Variants in PTGER3 observed in about 807,000 individuals in gnomAD.
The protein encoded by PTGER3 is prostaglandin E receptor 3, also known as prostaglandin E2 receptor EP3 subtype.
In PTGER3, 22 loss-of-function variants were observed where a neutral mutation model predicts 34.7. That is an observed-to-expected ratio of 0.63 (90% CI 0.45 to 0.91). The LOEUF is 0.91. PTGER3 is among the 40% of genes least tolerant of loss of function. The pLI is 0.00. For missense variants in PTGER3, 468 were observed against 519.4 expected, an observed-to-expected ratio of 0.90 and a Z score of 0.96; for synonymous variants, 241 against 230.1, an observed-to-expected ratio of 1.05 and a Z score of -0.43.
At chr1:70,943,696 A>G (rs1290765622) in intron 4 of PTGER3, among the ~76,000 whole-genome samples, 1 of 151,988 alleles carries the variant, frequency 6.6e-6, no homozygotes, top group African/African-American at 2.4e-5. Flanking sequence ...TTTTCCACAA[A>G]TTTTGAATTG....
intron 1 of PTGER3, among the ~76,000 whole-genome samples, chr1:71,041,729 G>T (rs1300283679): frequency 6.6e-6 from 1 of 152,198 alleles, no homozygotes; most frequent in Non-Finnish European, 1.5e-5. Flanking sequence ...GGGAGAGTAA[G>T]AATTTGACAT....
chr1:70,924,452 T>C (rs937477263), intron 4 of PTGER3, among the ~76,000 whole-genome samples: 4 of 152,176 alleles, frequency 2.6e-5, no homozygotes, highest in Non-Finnish European at 5.9e-5. Flanking sequence ...CTTATTCTTG[T>C]GAGCCAACCA....
chr1:70,902,110 GAAGAA>G (rs1646852765), intron 4 of PTGER3, among the ~76,000 whole-genome samples: 1 of 152,074 alleles, frequency 6.6e-6, no homozygotes, highest in African/African-American at 2.4e-5. Flanking sequence ...CTTAAAAAAG[GAAGAA>G]AAGATACCTA....
intron 2 of PTGER3, among the ~76,000 whole-genome samples, chr1:70,985,004 A>G (rs1460712046): frequency 1.3e-5 from 2 of 152,174 alleles, no homozygotes; most frequent in African/African-American, 4.8e-5. Flanking sequence ...CCATCACGAC[A>G]GCCCTAGGGA....
chr1:71,032,960 C>T (rs749812771), intron 1 of PTGER3, among the ~76,000 whole-genome samples: 9 of 152,130 alleles, frequency 5.9e-5, no homozygotes, highest in Non-Finnish European at 8.8e-5. Flanking sequence ...CTGGGGATCA[C>T]GAATCTTATG....
chr1:70,864,995 A>G (rs1646009007), intron 4 of PTGER3, among the ~76,000 whole-genome samples: 1 of 152,218 alleles, frequency 6.6e-6, no homozygotes, highest in African/African-American at 2.4e-5. Flanking sequence ...CCATCTATCC[A>G]GAAGGCAGAG....
chr1:71,001,691 A>G (rs1433397420), intron 2 of PTGER3, among the ~76,000 whole-genome samples: 1 of 152,170 alleles, frequency 6.6e-6, no homozygotes, highest in Non-Finnish European at 1.5e-5. Context: ...CAGTGAGAAG[A>G]TACCACATAG....
chr1:70,884,305 T>C (rs892507162), intron 4 of PTGER3, among the ~76,000 whole-genome samples: 1 of 152,150 alleles, frequency 6.6e-6, no homozygotes, highest in African/African-American at 2.4e-5. Flanking sequence ...TCATCTCCCC[T>C]TGAGTGTGAG....
intron 1 of PTGER3, among the ~76,000 whole-genome samples, chr1:71,046,321 G>C (rs1660810811): frequency 1.3e-5 from 2 of 150,092 alleles, no homozygotes; most frequent in Admixed American, 1.3e-4. Context: ...ACAATATCAG[G>C]CTACAGTTAT....
At chr1:70,916,513 A>G (rs1647177844) in intron 4 of PTGER3, among the ~76,000 whole-genome samples, 2 of 152,134 alleles carry the variant, frequency 1.3e-5, no homozygotes, top group African/African-American at 2.4e-5. Flanking sequence ...GGATTAAGAA[A>G]ATGTGATACA....
At chr1:70,953,554 A>G (rs1292120011) in intron 3 of PTGER3, among the ~76,000 whole-genome samples, 1 of 152,140 alleles carries the variant, frequency 6.6e-6, no homozygotes, top group Non-Finnish European at 1.5e-5. Flanking sequence ...GTCATTTTTA[A>G]ATGCTAAGAC....
At chr1:70,856,770 A>G (rs767289138) in intron 4 of PTGER3, among the ~76,000 whole-genome samples, 5 of 152,156 alleles carry the variant, frequency 3.3e-5, no homozygotes, top group Non-Finnish European at 5.9e-5. Flanking sequence ...CTTTCTCCCA[A>G]TGGTTACATC....
At chr1:70,918,881 A>G (rs1243217671) in intron 4 of PTGER3, among the ~76,000 whole-genome samples, 1 of 152,084 alleles carries the variant, frequency 6.6e-6, no homozygotes, top group Non-Finnish European at 1.5e-5. Context: ...TAAATACCTA[A>G]GAAAAATGAA....
intron 1 of PTGER3, among the ~76,000 whole-genome samples, chr1:71,027,566 A>G (rs1399872521): frequency 6.6e-6 from 1 of 152,232 alleles, no homozygotes; most frequent in African/African-American, 2.4e-5. Flanking sequence ...TAACCAGAAC[A>G]GGTCTGTTTT....
chr1:70,990,696 T>G (rs762723527), intron 2 of PTGER3, among the ~76,000 whole-genome samples: 5 of 151,982 alleles, frequency 3.3e-5, no homozygotes, highest in Non-Finnish European at 5.9e-5. Flanking sequence ...CAGGCTGTGC[T>G]TGAATTTCTG....
At chr1:70,855,283 A>G (rs1377640211) in intron 4 of PTGER3, among the ~76,000 whole-genome samples, 1 of 152,224 alleles carries the variant, frequency 6.6e-6, no homozygotes, top group Non-Finnish European at 1.5e-5. Context: ...TCCAACTCAT[A>G]GAAAGCAGAA....
At chr1:70,923,723 T>G (rs977078462) in intron 4 of PTGER3, among the ~76,000 whole-genome samples, 1 of 152,226 alleles carries the variant, frequency 6.6e-6, no homozygotes, top group African/African-American at 2.4e-5. Flanking sequence ...TTGTAGCTTG[T>G]AGCAATAGAG....
intron 4 of PTGER3, among the ~76,000 whole-genome samples, chr1:70,868,176 C>T (rs760762001): frequency 7.9e-5 from 12 of 151,966 alleles, no homozygotes; most frequent in African/African-American, 2.9e-4. Flanking sequence ...TCCTATCAAC[C>T]ATTTAGTTCA....
chr1:71,012,092 C>CT (rs1657495161), intron 2 of PTGER3: 1 of 1,497,854 alleles, frequency 6.7e-7, no homozygotes, highest in Non-Finnish European at 8.8e-7. Context: ...GACCATTTAG[C>CT]TTTATACCAA....
Sources: gnomAD v4.1 joint callset for allele counts (sites outside exome capture counted in the v4.1 genomes callset) on GRCh38, gnomAD v4.1.1 for gene constraint, MANE v1.5 for transcripts, NCBI Gene and HGNC (gene_info 2026-07-23, HGNC 2026-07-21) for gene names.